The following PTPN11 variants were observed in gnomAD, a reference collection of about 807,000 sequenced individuals.
PTPN11 encodes the protein protein tyrosine phosphatase non-receptor type 11, also known as tyrosine-protein phosphatase non-receptor type 11.
A neutral mutation model predicts 78.8 loss-of-function variants in PTPN11; 6 were observed. The ratio of observed to expected loss-of-function variants is 0.08; its 90% confidence interval spans 0.04 to 0.15. The LOEUF is 0.15. Ranked by LOEUF, PTPN11 falls within the 10% of genes least tolerant of loss-of-function variation. The pLI, the probability that PTPN11 is intolerant of heterozygous loss-of-function variation, is 1.00. For missense variants in PTPN11, 386 were observed against 744.8 expected (o/e 0.52, Z 5.61); for synonymous variants, 221 against 263.5 (o/e 0.84, Z 1.56).
chr12:112,438,486 AT>A (rs980146025), intron 1 of PTPN11, among the ~76,000 whole-genome samples: 84 of 143,048 alleles, frequency 5.9e-4, no homozygotes, highest in Non-Finnish European at 6.6e-4. Flanking sequence ...ACCATACCTA[AT>A]TTTTTTTTTT....
chr12:112,479,986 G>C (rs937596407), intron 9 of PTPN11, among the ~76,000 whole-genome samples: 6 of 152,182 alleles, frequency 3.9e-5, no homozygotes, highest in Non-Finnish European at 7.3e-5. Context: ...GTGCACAGAA[G>C]ACAAGCCAGA....
chr12:112,446,008 C>A (rs1242123721), intron 1 of PTPN11, among the ~76,000 whole-genome samples: 3 of 152,046 alleles, frequency 2.0e-5, no homozygotes, highest in African/African-American at 7.2e-5. Context: ...TTGGGCCTGG[C>A]CCCCTCAGTG....
chr12:112,502,679 G>A (rs1483398432), intron 14 of PTPN11, among the ~76,000 whole-genome samples: 4 of 152,076 alleles, frequency 2.6e-5, no homozygotes, highest in African/African-American at 9.7e-5. Flanking sequence ...CCCAGGAAAC[G>A]GATGTTGCAG....
intron 3 of PTPN11, 67 bp from the exon 4 acceptor site, chr12:112,453,128 G>T: frequency 7.2e-7 from 1 of 1,384,048 alleles, no homozygotes. Flanking sequence ...GTATACAGTA[G>T]TTTTGTGAAA....
chr12:112,466,593 C>A (rs930949077), intron 6 of PTPN11, among the ~76,000 whole-genome samples: 7 of 152,156 alleles, frequency 4.6e-5, no homozygotes, highest in African/African-American at 1.7e-4. Context: ...CTCAGGTGAT[C>A]CTCCTGCCTC....
intron 1 of PTPN11, among the ~76,000 whole-genome samples, chr12:112,439,613 C>T (rs919322313): frequency 1.9e-4 from 29 of 151,790 alleles, no homozygotes; most frequent in Non-Finnish European, 3.8e-4. Context: ...GGACTATAGG[C>T]GCGCACCACC....
intron 13 of PTPN11, among the ~76,000 whole-genome samples, chr12:112,499,492 A>G (rs1955670673): frequency 6.6e-6 from 1 of 151,966 alleles, no homozygotes; most frequent in African/African-American, 2.4e-5. Context: ...GGTCTGCACC[A>G]CCACGCCTGG....
Position 112,488,585 on chromosome 12 carries a change from C to G in PTPN11, c.1447+75C>G, listed in dbSNP as rs567064022. On this transcript the variant is annotated intron_variant, in intron 12 of 15. Transcript: ENST00000351677. ...GAAGGAAAGTGCTCACGAAAACAGT[C>G]TGGGGAAGAGAGGTTGAATGGGAAA... 6.3e-6 allele frequency: 9 copies of G among 1,433,880 alleles called. No individual in the cohort carries two copies. The Admixed American group carries it at 1.3e-4, about 21-fold the overall frequency. 88.8% of individuals were successfully genotyped at this position (1,433,880 alleles called of 1,614,324 possible).
intron 10 of PTPN11, among the ~76,000 whole-genome samples, chr12:112,486,210 A>G (rs1041623279): frequency 3.3e-5 from 5 of 152,086 alleles, no homozygotes; most frequent in African/African-American, 1.2e-4. Flanking sequence ...GTCGCTGGTA[A>G]TTCAGAGAGA....
chr12:112,471,559 A>G (rs925862722), intron 6 of PTPN11, among the ~76,000 whole-genome samples: 3 of 151,958 alleles, frequency 2.0e-5, no homozygotes, highest in African/African-American at 7.3e-5. Context: ...TTATTTGTAT[A>G]TGCTACGCCA....
At chr12:112,464,341 G>T (rs996306592) in intron 6 of PTPN11, among the ~76,000 whole-genome samples, 6 of 152,114 alleles carry the variant, frequency 3.9e-5, no homozygotes, top group African/African-American at 1.2e-4. Context: ...TGATTTTCTT[G>T]TAGGATATGT....
At chr12:112,503,718 A>T (rs1592863610) in intron 14 of PTPN11, among the ~76,000 whole-genome samples, 1 of 152,074 alleles carries the variant, frequency 6.6e-6, no homozygotes, top group Non-Finnish European at 1.5e-5. Context: ...TTCCCTCAGT[A>T]CCAGTGGCAT....
intron 9 of PTPN11, among the ~76,000 whole-genome samples, chr12:112,479,922 G>A (rs553347868): frequency 2.0e-5 from 3 of 152,162 alleles, no homozygotes; most frequent in Non-Finnish European, 2.9e-5. Context: ...TGACATGATG[G>A]GTATTGATTC....
intron 15 of PTPN11, among the ~76,000 whole-genome samples, chr12:112,505,148 C>T (rs1485609940): frequency 2.6e-5 from 4 of 152,170 alleles, no homozygotes; most frequent in Admixed American, 6.5e-5. Flanking sequence ...TGGGAAGCAT[C>T]GGGACTCAGC....
At chr12:112,453,602 G>T (rs1472253569) in intron 4 of PTPN11, among the ~76,000 whole-genome samples, 2 of 150,880 alleles carry the variant, frequency 1.3e-5, no homozygotes, top group East Asian at 1.9e-4. Context: ...TGATTTTTCT[G>T]CTGGAAGAGG....
At chr12:112,441,410 T>G (rs1370702475) in intron 1 of PTPN11, among the ~76,000 whole-genome samples, 2 of 151,942 alleles carry the variant, frequency 1.3e-5, no homozygotes, top group Non-Finnish European at 2.9e-5. Context: ...TACAGGCATA[T>G]GCCACCACAC....
At position 112,453,536 on chromosome 12, in the gene PTPN11, C is replaced by G. The variant is rs1326730159; in HGVS notation, c.525+149C>G. The G allele has an allele frequency of 8.6e-6, 6 of 697,206 alleles. No individual in the cohort carries two copies. In the South Asian group the frequency reaches 9.3e-5, roughly 11 times the overall value. The allele number at this position is 697,206 out of a possible 1,614,324, so 43.2% of individuals were successfully genotyped here. A position where few individuals can be genotyped will look rare whatever the true frequency, so the allele number is the denominator to read the frequency against. ...TATTTATTTGAGACAGGGTCTTGCT[C>G]TATCACCTACAGATGGGGTTTCACC... On this transcript the variant is annotated intron_variant, in intron 4 of 15. Coordinates refer to ENST00000351677, the MANE Select transcript of PTPN11 (RefSeq NM_002834.5).
chr12:112,486,414 G>C (rs2038676315), intron 10 of PTPN11, 61 bp from the exon 11 acceptor site: 1 of 1,503,984 alleles, frequency 6.6e-7, no homozygotes, highest in Non-Finnish European at 9.3e-7. Context: ...TTAGAACCGG[G>C]TGATTCCTCA....
chr12:112,465,206 T>C (rs2038307425), intron 6 of PTPN11, among the ~76,000 whole-genome samples: 2 of 152,008 alleles, frequency 1.3e-5, no homozygotes, highest in Non-Finnish European at 2.9e-5. Context: ...CTGAGGCAGC[T>C]GGATTACCTG....
Sources: gnomAD v4.1 joint callset for allele counts (sites outside exome capture counted in the v4.1 genomes callset) on GRCh38, gnomAD v4.1.1 for gene constraint, MANE v1.5 for transcripts, NCBI Gene and HGNC (gene_info 2026-07-23, HGNC 2026-07-21) for gene names.